The following EYA1 variants were observed in gnomAD, a reference collection of about 807,000 sequenced individuals.
EYA1 encodes the protein EYA transcriptional coactivator and phosphatase 1.
In EYA1, 16 loss-of-function variants were observed where a neutral mutation model predicts 82.0. The ratio of observed to expected loss-of-function variants is 0.20; its 90% CI spans 0.13 to 0.30. EYA1 has a LOEUF of 0.30. Among genes scored for constraint, EYA1 ranks in the 10% least tolerant of loss-of-function variants. EYA1 has a pLI of 1.00. For synonymous variants in EYA1, 261 were observed against 264.4 expected, an observed-to-expected ratio of 0.99 and a Z score of 0.12; for missense variants, 633 against 730.7, an observed-to-expected ratio of 0.87 and a Z score of 1.54.
intron 2 of EYA1, among the ~76,000 whole-genome samples, chr8:71,408,126 T>G (rs1474627806): frequency 6.6e-6 from 1 of 151,866 alleles, no homozygotes; most frequent in East Asian, 1.9e-4. Flanking sequence ...CAAACTAAGC[T>G]TCATAAGTGA....
At chr8:71,530,378 C>A (rs1745131360) in intron 2 of EYA1, among the ~76,000 whole-genome samples, 1 of 152,164 alleles carries the variant, frequency 6.6e-6, no homozygotes, top group South Asian at 2.1e-4. Flanking sequence ...AACTGTGCAA[C>A]AATGAATTTC....
Position 71,354,844 on chromosome 8 carries a change from C to G in EYA1, c.62G>C (p.Ser21Thr). 1 of 1,613,750 alleles carries G rather than the reference C, an allele frequency of 6.2e-7. No individual in the cohort carries two copies. Among genetic ancestry groups the G allele is most frequent in the Non-Finnish European group, 8.5e-7 (1 of 1,179,712 alleles). Residue 21 changes from serine (S) to threonine (T), a missense_variant, in exon 3 of 18, where the codon AGT becomes ACT. Physicochemically the swap from Ser to Thr is moderately conservative, Grantham distance 58 (BLOSUM62 1). Transcript: ENST00000340726. ...ATGAGAGTTACCGAGTTTGGGGCCA[C>G]TGGGGGATTCACTACTACCACTCAG... is the stretch of plus-strand genomic sequence containing the variant. ...SRLSGSSESP[S>T]GPKLGNSHIN...
intron 9 of EYA1, among the ~76,000 whole-genome samples, chr8:71,273,416 T>A (rs1302869284): frequency 3.3e-5 from 5 of 152,346 alleles, no homozygotes; most frequent in Non-Finnish European, 5.9e-5. Flanking sequence ...AATCATTCTC[T>A]AAATCTACAT....
chr8:71,303,492 C>T (rs1388026173), intron 7 of EYA1, among the ~76,000 whole-genome samples: 2 of 142,864 alleles, frequency 1.4e-5, no homozygotes, highest in Non-Finnish European at 3.2e-5. Context: ...CTAACCCATA[C>T]AAATATCCCC....
At chr8:71,543,840 A>T (rs568147457) in intron 1 of EYA1, among the ~76,000 whole-genome samples, 66 of 152,276 alleles carry the variant, frequency 4.3e-4, no homozygotes, top group African/African-American at 1.6e-3. Flanking sequence ...CACAGCATTA[A>T]TTTTTTTAGT....
At chr8:71,437,716 A>G (rs1806115658) in intron 2 of EYA1, among the ~76,000 whole-genome samples, 1 of 152,112 alleles carries the variant, frequency 6.6e-6, no homozygotes, top group African/African-American at 2.4e-5. Flanking sequence ...AAAATGAAGT[A>G]AAATTATATA....
chr8:71,397,784 G>A (rs1489696856), intron 2 of EYA1, among the ~76,000 whole-genome samples: 7 of 151,812 alleles, frequency 4.6e-5, no homozygotes, highest in Non-Finnish European at 7.4e-5. Context: ...GGCTCTTCTC[G>A]AGGAGTATCT....
chr8:71,267,789 C>T lies in EYA1; in HGVS notation c.1050+1951G>A, dbSNP rs565163383. 2.6e-5 allele frequency among the ~76,000 whole-genome samples: 4 copies of T among 152,238 alleles called. No individual in the cohort carries two copies. The East Asian group carries it at 5.8e-4, about 22-fold the overall frequency. On this transcript the variant is annotated intron_variant, in intron 11 of 17. Transcript: ENST00000340726. ...GGTCTCGATCTCCTGACCTCGTGAT[C>T]CACCCGCCTTGGCCTCCCAAAGTGC...
At chr8:71,432,070 T>G (rs1290944020) in intron 2 of EYA1, among the ~76,000 whole-genome samples, 1 of 152,232 alleles carries the variant, frequency 6.6e-6, no homozygotes, top group Non-Finnish European at 1.5e-5. Context: ...CACTGGAATG[T>G]CTCTTAGTTG....
At chr8:71,423,641 G>A (rs1156882509) in intron 2 of EYA1, among the ~76,000 whole-genome samples, 1 of 152,156 alleles carries the variant, frequency 6.6e-6, no homozygotes, top group Non-Finnish European at 1.5e-5. Flanking sequence ...TAAGGGTAAG[G>A]AGAGGAACAA....
At position 71,485,105 on chromosome 8, in the gene EYA1, T is replaced by C. The variant is rs1203596756; in HGVS notation, c.33+50639A>G. On this transcript the variant is annotated intron_variant, in intron 2 of 18. Transcript: ENST00000643681. The stretch of plus-strand genomic sequence containing the variant: ...GATGCGTATTTCATTTTCAAACTGC[T>C]TATTGGTATATGTTAAAGTTTGTGA... Among the ~76,000 whole-genome samples, 4 of 152,248 alleles carry C rather than the reference T, an allele frequency of 2.6e-5. No individual in the cohort carries two copies. In the East Asian group the frequency reaches 5.8e-4, roughly 22 times the overall value.
At chr8:71,467,138 A>G (rs1213358457) in intron 2 of EYA1, among the ~76,000 whole-genome samples, 1 of 152,090 alleles carries the variant, frequency 6.6e-6, no homozygotes, top group African/African-American at 2.4e-5. Flanking sequence ...ATAGCTAAAC[A>G]TGAGAAAGAG....
intron 2 of EYA1, among the ~76,000 whole-genome samples, chr8:71,485,439 C>A (rs1309309013): frequency 6.6e-6 from 1 of 152,132 alleles, no homozygotes; most frequent in Non-Finnish European, 1.5e-5. Context: ...GGAGAAGAAT[C>A]ATAAACTAAT....
chr8:71,425,821 C>T (rs987827848), intron 2 of EYA1, among the ~76,000 whole-genome samples: 1 of 152,164 alleles, frequency 6.6e-6, no homozygotes, highest in African/African-American at 2.4e-5. Context: ...GGCAGTATTC[C>T]AGGGAACCAA....
chr8:71,225,776 C>A (rs1000935506), intron 12 of EYA1, among the ~76,000 whole-genome samples: 1 of 152,228 alleles, frequency 6.6e-6, no homozygotes, highest in Admixed American at 6.5e-5. Context: ...CGAGAGGTGG[C>A]AATAAGATGC....
At chr8:71,408,099 A>T (rs958464731) in intron 2 of EYA1, among the ~76,000 whole-genome samples, 12 of 152,166 alleles carry the variant, frequency 7.9e-5, no homozygotes, top group African/African-American at 2.9e-4. Context: ...TTTTCAACAC[A>T]GAATTTCATA....
chr8:71,276,378 C>T (rs1817175515), intron 9 of EYA1, among the ~76,000 whole-genome samples: 1 of 152,152 alleles, frequency 6.6e-6, no homozygotes. Flanking sequence ...CTGATAAATT[C>T]TAAAGCTTTA....
chr8:71,399,054 A>C lies in EYA1; in HGVS notation c.34-42543T>G, dbSNP rs150312312. Among the ~76,000 whole-genome samples the C allele has an allele frequency of 1.0e-3, 156 of 152,324 alleles. 2 individuals are homozygous for C. Among genetic ancestry groups the C allele is most frequent in the African/African-American group, 3.6e-3 (148 of 41,570 alleles). Reference sequence around the variant, plus strand: ...CAGTTCAATCTCAGACTGCTGTGTTAGCAGTAAGTGAGGCTCTGTGGGCGT... The same window carrying C: ...CAGTTCAATCTCAGACTGCTGTGTTCGCAGTAAGTGAGGCTCTGTGGGCGT... On this transcript the variant is annotated intron_variant, in intron 2 of 18. Transcript: ENST00000643681.
intron 9 of EYA1, among the ~76,000 whole-genome samples, chr8:71,274,883 A>C (rs1376757557): frequency 6.6e-6 from 1 of 151,984 alleles, no homozygotes; most frequent in South Asian, 2.1e-4. Flanking sequence ...AGAGAGAGTG[A>C]GCGAGCGAGA....
Sources: gnomAD v4.1 joint callset for allele counts (sites outside exome capture counted in the v4.1 genomes callset) on GRCh38, gnomAD v4.1.1 for gene constraint, MANE v1.5 for transcripts, NCBI Gene and HGNC (gene_info 2026-07-23, HGNC 2026-07-21) for gene names.